Variants in PLXDC2 observed in about 807,000 individuals in gnomAD.
PLXDC2 encodes plexin domain containing 2.
PLXDC2 carries 40 observed loss-of-function variants against 68.9 expected under a neutral mutation model. The ratio of observed to expected loss-of-function variants is 0.58; its 90% CI spans 0.45 to 0.76. The LOEUF is 0.76. PLXDC2 is among the 30% of genes least tolerant of loss of function. The pLI is 0.00. For missense variants in PLXDC2, 644 were observed against 661.9 expected (o/e 0.97, Z 0.30); for synonymous variants, 243 against 234.2 (o/e 1.04, Z -0.34).
At chr10:20,171,939 T>A (rs919108312) in intron 7 of PLXDC2, among the ~76,000 whole-genome samples, 1 of 152,002 alleles carries the variant, frequency 6.6e-6, no homozygotes, top group Non-Finnish European at 1.5e-5. Flanking sequence ...CACTGGAGAC[T>A]GGGAAGGGTG....
intron 2 of PLXDC2, among the ~76,000 whole-genome samples, chr10:20,028,015 G>C (rs1205807738): frequency 6.6e-6 from 1 of 152,184 alleles, no homozygotes; most frequent in African/African-American, 2.4e-5. Context: ...TAAATTGACA[G>C]AAGTGAAATT....
intron 1 of PLXDC2, among the ~76,000 whole-genome samples, chr10:19,853,727 T>C (rs1056026798): frequency 6.6e-6 from 1 of 151,932 alleles, no homozygotes; most frequent in African/African-American, 2.4e-5. Context: ...ACACAGTAAA[T>C]GAAAGGCCAC....
chr10:19,883,884 CTT>C (rs397846779), intron 1 of PLXDC2, among the ~76,000 whole-genome samples: 42 of 55,098 alleles, frequency 7.6e-4, no homozygotes, highest in African/African-American at 1.8e-3. Flanking sequence ...TCCCTTTAAA[CTT>C]TTTTTTTTTT....
intron 1 of PLXDC2, among the ~76,000 whole-genome samples, chr10:19,869,395 G>A (rs1366133297): frequency 6.8e-6 from 1 of 146,070 alleles, no homozygotes; most frequent in East Asian, 2.0e-4. Flanking sequence ...CTGCACTCCA[G>A]CCTGGGCAAC....
At chr10:19,910,987 G>T (rs1437269745) in intron 1 of PLXDC2, among the ~76,000 whole-genome samples, 2 of 151,814 alleles carry the variant, frequency 1.3e-5, no homozygotes, top group Non-Finnish European at 2.9e-5. Context: ...CCAGCTGAGG[G>T]GACAGTGTGA....
chr10:20,277,739 C>T (rs1331338739), intron 13 of PLXDC2, among the ~76,000 whole-genome samples: 1 of 152,182 alleles, frequency 6.6e-6, no homozygotes. Flanking sequence ...ACCCTAGCTA[C>T]ATGACATTTG....
intron 4 of PLXDC2, among the ~76,000 whole-genome samples, chr10:20,107,085 A>C (rs1050029988): frequency 4.7e-5 from 7 of 148,494 alleles, no homozygotes; most frequent in East Asian, 1.9e-4. Context: ...TAGTATATAT[A>C]TACACTATAT....
intron 1 of PLXDC2, among the ~76,000 whole-genome samples, chr10:19,965,723 G>C (rs966645886): frequency 6.8e-6 from 1 of 147,404 alleles, no homozygotes; most frequent in Non-Finnish European, 1.5e-5. Flanking sequence ...TTTTTTGGGG[G>C]GGGGGGTTAC....
intron 4 of PLXDC2, among the ~76,000 whole-genome samples, chr10:20,088,081 A>G (rs1445534622): frequency 6.6e-6 from 1 of 152,184 alleles, no homozygotes; most frequent in Non-Finnish European, 1.5e-5. Context: ...AAAATGATCT[A>G]AACAGCCATG....
chr10:20,227,703 C>T (rs896347212), intron 12 of PLXDC2, among the ~76,000 whole-genome samples: 23 of 152,014 alleles, frequency 1.5e-4, no homozygotes, highest in African/African-American at 2.9e-4. Flanking sequence ...TCTTGGGAAC[C>T]GTTTGTGTCA....
At chr10:19,863,400 A>G (rs544373256) in intron 1 of PLXDC2, among the ~76,000 whole-genome samples, 7 of 152,312 alleles carry the variant, frequency 4.6e-5, no homozygotes, top group African/African-American at 1.7e-4. Context: ...AGCATTTTGC[A>G]TTTGACTCTT....
chr10:20,194,429 T>G (rs1834810631), intron 9 of PLXDC2, among the ~76,000 whole-genome samples: 1 of 151,954 alleles, frequency 6.6e-6, no homozygotes, highest in African/African-American at 2.4e-5. Flanking sequence ...CATAATGTTT[T>G]TTGGTCAAAA....
At chr10:20,197,115 G>T (rs1834850570) in intron 9 of PLXDC2, among the ~76,000 whole-genome samples, 2 of 152,002 alleles carry the variant, frequency 1.3e-5, no homozygotes, top group Admixed American at 1.3e-4. Context: ...TTGTTTAATG[G>T]AATAGTCACT....
At chr10:19,904,831 A>G (rs958970273) in intron 1 of PLXDC2, among the ~76,000 whole-genome samples, 4 of 152,184 alleles carry the variant, frequency 2.6e-5, no homozygotes, top group Non-Finnish European at 5.9e-5. Context: ...TTATTAGGAA[A>G]AAGATTTTAA....
intron 4 of PLXDC2, among the ~76,000 whole-genome samples, chr10:20,130,077 T>A (rs1488035453): frequency 6.6e-6 from 1 of 152,082 alleles, no homozygotes; most frequent in Non-Finnish European, 1.5e-5. Context: ...AAGAATTGCA[T>A]TTAATATGTA....
chr10:19,838,834 C>G (rs1836848941), intron 1 of PLXDC2, among the ~76,000 whole-genome samples: 1 of 152,166 alleles, frequency 6.6e-6, no homozygotes, highest in African/African-American at 2.4e-5. Flanking sequence ...CCAGTGAATT[C>G]TGATGACTCT....
At chr10:20,083,139 G>C (rs1338181774) in intron 4 of PLXDC2, among the ~76,000 whole-genome samples, 1 of 152,062 alleles carries the variant, frequency 6.6e-6, no homozygotes, top group African/African-American at 2.4e-5. Flanking sequence ...ATCAGGAGTA[G>C]GAAAGAGATG....
intron 6 of PLXDC2, among the ~76,000 whole-genome samples, chr10:20,155,704 T>C (rs919855051): frequency 7.9e-5 from 12 of 152,144 alleles, no homozygotes; most frequent in African/African-American, 2.4e-4. Context: ...CTATCTCACA[T>C]ATAGAAGTGC....
intron 1 of PLXDC2, among the ~76,000 whole-genome samples, chr10:19,991,493 T>G (rs1195564986): frequency 6.6e-6 from 1 of 152,126 alleles, no homozygotes; most frequent in African/African-American, 2.4e-5. Flanking sequence ...CTACCTTGAA[T>G]TAATCAGAAT....
Sources: allele counts gnomAD v4.1 joint callset (sites outside exome capture counted in the v4.1 genomes callset), GRCh38; gene constraint gnomAD v4.1.1; transcripts MANE v1.5; gene names NCBI Gene and HGNC (gene_info 2026-07-23, HGNC 2026-07-21).